The following TSHR variants were observed in gnomAD, a reference collection of about 807,000 sequenced individuals.
TSHR encodes thyroid stimulating hormone receptor.
TSHR carries 51 observed loss-of-function variants against 64.1 expected under a neutral mutation model. That is an observed-to-expected ratio of 0.80 (90% CI 0.64 to 1.01). The LOEUF is 1.01. Ranked by LOEUF, TSHR falls within the 50% of genes least tolerant of loss-of-function variation. TSHR has a pLI of 0.00. For synonymous variants in TSHR, 361 were observed against 361.9 expected, an observed-to-expected ratio of 1.00 and a Z score of 0.03; for missense variants, 877 against 942.8, an observed-to-expected ratio of 0.93 and a Z score of 0.91.
chr14:81,078,990 G>A (rs963524895), intron 3 of TSHR: 9 of 152,226 alleles, frequency 5.9e-5, no homozygotes, highest in Middle Eastern at 3.4e-3. Flanking sequence ...AATTTGTTAT[G>A]CAACAATAGG....
At chr14:81,112,562 C>T (rs1418482191) in intron 8 of TSHR, among the ~76,000 whole-genome samples, 2 of 152,210 alleles carry the variant, frequency 1.3e-5, no homozygotes, top group Non-Finnish European at 2.9e-5. Context: ...CTTGCTCCCT[C>T]TCATTCCTAT....
chr14:81,091,129 T>A lies in TSHR; in HGVS notation c.453T>A (p.Asp151Glu), dbSNP rs1439290597. The A allele has an allele frequency of 6.2e-7, 1 of 1,611,974 alleles. No homozygotes were observed. Among genetic ancestry groups the A allele is most frequent in the Middle Eastern group, 1.6e-4 (1 of 6,062 alleles). ...ACCTGACCAAAGTTTATTCCACTGA[T>A]ATATTCTTTATACTGTAAGTATGCA... ...FPDLTKVYST[D>E]IFFILEITDN... The change falls in exon 5 of 10, where the codon GAT (aspartate) becomes GAA (glutamate). Residue 151 changes from aspartate (D) to glutamate (E), a missense_variant. By Grantham distance (45) the Asp-to-Glu change is conservative. Coordinates refer to ENST00000298171, the MANE Select transcript of TSHR (RefSeq NM_000369.5).
At chr14:81,113,773 A>C (rs1890340376) in intron 8 of TSHR, among the ~76,000 whole-genome samples, 1 of 152,196 alleles carries the variant, frequency 6.6e-6, no homozygotes, top group Non-Finnish European at 1.5e-5. Context: ...CAAATCACAA[A>C]ATCTAGGAAA....
At chr14:80,978,367 C>T (rs1032677635) in intron 1 of TSHR, among the ~76,000 whole-genome samples, 1 of 152,162 alleles carries the variant, frequency 6.6e-6, no homozygotes, top group Non-Finnish European at 1.5e-5. Flanking sequence ...AATTCCAGTA[C>T]CAACTGTATC....
chr14:81,084,962 A>ATGAT (rs1004800374), intron 3 of TSHR, among the ~76,000 whole-genome samples: 4 of 151,946 alleles, frequency 2.6e-5, no homozygotes, highest in East Asian at 3.9e-4. Flanking sequence ...TCTCTATTTA[A>ATGAT]TGATTGATTG....
chr14:80,981,812 G>A (rs143386564), intron 1 of TSHR, among the ~76,000 whole-genome samples: 1 of 152,120 alleles, frequency 6.6e-6, no homozygotes, highest in Admixed American at 6.6e-5. Flanking sequence ...CCTCTGTATC[G>A]TTGACAGAGG....
intron 4 of TSHR, among the ~76,000 whole-genome samples, chr14:81,089,441 A>G (rs764569803): frequency 3.9e-5 from 6 of 152,216 alleles, no homozygotes; most frequent in Non-Finnish European, 7.3e-5. Context: ...AAATAATACA[A>G]TAACCCTTTG....
intron 1 of TSHR, chr14:80,983,414 A>G (rs1888275587): frequency 1.7e-6 from 2 of 1,207,036 alleles, no homozygotes; most frequent in African/African-American, 1.5e-5. Context: ...ATATATCTGA[A>G]AATCCAACTG....
intron 1 of TSHR, among the ~76,000 whole-genome samples, chr14:80,984,242 A>C (rs889729429): frequency 3.3e-5 from 5 of 152,206 alleles, no homozygotes; most frequent in African/African-American, 7.2e-5. Flanking sequence ...ATTTCAGACA[A>C]ATGCATTATT....
intron 9 of TSHR, among the ~76,000 whole-genome samples, chr14:81,142,343 G>C (rs1345666003): frequency 1.3e-5 from 2 of 152,006 alleles, no homozygotes; most frequent in Non-Finnish European, 2.9e-5. Flanking sequence ...GCCTCCCAAA[G>C]TGCTGGGATT....
intron 1 of TSHR, among the ~76,000 whole-genome samples, chr14:81,033,640 A>G (rs986215589): frequency 6.7e-6 from 1 of 148,680 alleles, no homozygotes; most frequent in Admixed American, 6.7e-5. Flanking sequence ...AAAAAAATGT[A>G]CAATTCTCTT....
intron 8 of TSHR, among the ~76,000 whole-genome samples, chr14:81,126,343 T>C (rs978402647): frequency 6.6e-6 from 1 of 152,192 alleles, no homozygotes; most frequent in Admixed American, 6.5e-5. Context: ...CGAAAGATTT[T>C]TACTTTAAAT....
intron 6 of TSHR, among the ~76,000 whole-genome samples, chr14:81,094,773 G>A (rs568108615): frequency 1.9e-4 from 24 of 126,240 alleles, no homozygotes; most frequent in African/African-American, 6.9e-4. Context: ...TGCAACCTCC[G>A]CCTCCCAGGT....
intron 7 of TSHR, chr14:81,107,022 T>G (rs1889940656): frequency 6.6e-6 from 1 of 151,886 alleles, no homozygotes; most frequent in South Asian, 2.1e-4. Context: ...TTGTGGAGTC[T>G]CAGCACTTAC....
intron 1 of TSHR, among the ~76,000 whole-genome samples, chr14:81,017,553 G>T (rs12881268): frequency 6.6e-6 from 1 of 152,074 alleles, no homozygotes; most frequent in South Asian, 2.1e-4. Context: ...TGCCCTGTGG[G>T]TCTGTTAAAA....
At chr14:80,980,245 T>C (rs553347626) in intron 1 of TSHR, among the ~76,000 whole-genome samples, 37 of 151,428 alleles carry the variant, frequency 2.4e-4, no homozygotes, top group Admixed American at 7.3e-4. Flanking sequence ...CTCTTTTTTT[T>C]CTATAATTAA....
In TSHR at chr14:81,143,408, C is replaced by A; in HGVS notation, c.1350C>A (p.Arg450=). ...GCCACTACAAACTGAACGTCCCCCG[C>A]TTTCTCATGTGCAACCTGGCCTTTG... is the stretch of plus-strand genomic sequence containing the variant. The part of the protein sequence containing the change: ...LTSHYKLNVP[R]FLMCNLAFAD... The change falls in exon 10 of 10, where the codon CGC becomes CGA. Residue 450 remains arginine (R), a synonymous_variant. Coordinates refer to ENST00000298171, the MANE Select transcript of TSHR (RefSeq NM_000369.5). 2 of 1,614,244 alleles carry A rather than the reference C, an allele frequency of 1.2e-6. No individual in the cohort carries two copies. Among genetic ancestry groups the A allele is most frequent in the South Asian group, 2.2e-5 (2 of 91,086 alleles).
chr14:81,067,798 G>T (rs1400297749), intron 2 of TSHR, among the ~76,000 whole-genome samples: 2 of 148,894 alleles, frequency 1.3e-5, no homozygotes, highest in Admixed American at 6.7e-5. Context: ...GCAAGCATCA[G>T]AAAAGAACAC....
At chr14:81,086,590 CA>C (rs112105989) in intron 3 of TSHR, among the ~76,000 whole-genome samples, 9 of 152,284 alleles carry the variant, frequency 5.9e-5, no homozygotes, top group African/African-American at 2.2e-4. Context: ...TTAATCCTCA[CA>C]AAAGCCCCAC....
Sources: gnomAD v4.1 joint callset for allele counts (sites outside exome capture counted in the v4.1 genomes callset) on GRCh38, gnomAD v4.1.1 for gene constraint, MANE v1.5 for transcripts, NCBI Gene and HGNC (gene_info 2026-07-23, HGNC 2026-07-21) for gene names.